NDUFAF6: variants seen among roughly 807,000 people sequenced by gnomAD.
The protein encoded by NDUFAF6 is NADH dehydrogenase (ubiquinone) complex I, assembly factor 6.
NDUFAF6 carries 45 observed loss-of-function variants against 40.8 expected under a neutral mutation model. The observed-to-expected ratio is 1.10, with a 90% CI of 0.87 to 1.42. The LOEUF (loss-of-function observed/expected upper bound fraction) is 1.42. Ranked by LOEUF, NDUFAF6 falls within the 40% of genes most tolerant of loss-of-function variation. NDUFAF6 has a pLI of 0.00. For synonymous variants in NDUFAF6, 185 were observed against 155.9 expected, an observed-to-expected ratio of 1.19 and a Z score of -1.39; for missense variants, 435 against 418.5, an observed-to-expected ratio of 1.04 and a Z score of -0.34.
In NDUFAF6 at chr8:94,940,825, C is replaced by G. The variant is rs773426792; in HGVS notation, c.-935-4658C>G. 7 of 1,605,210 alleles carry G rather than the reference C, an allele frequency of 4.4e-6. No individual in the cohort carries two copies. In the East Asian group the frequency reaches 1.3e-4, roughly 31 times the overall value. On this transcript the variant is annotated intron_variant, in intron 1 of 14. Transcript: ENST00000396113. Reference sequence around the variant, plus strand: ...TGAACCACCAAGTAACCAAGTGTACCTTACCTATGAAGTCAACAAGAATCC... The same window carrying G: ...TGAACCACCAAGTAACCAAGTGTACGTTACCTATGAAGTCAACAAGAATCC...
chr8:94,914,904 T>G (rs1819026678), intron 1 of NDUFAF6, among the ~76,000 whole-genome samples: 1 of 152,102 alleles, frequency 6.6e-6, no homozygotes, highest in Non-Finnish European at 1.5e-5. Flanking sequence ...AGCTTACCAT[T>G]TATGTTTTAT....
intron 2 of NDUFAF6, among the ~76,000 whole-genome samples, chr8:95,086,922 C>G (rs754987882): frequency 6.6e-6 from 1 of 152,224 alleles, no homozygotes; most frequent in Non-Finnish European, 1.5e-5. Flanking sequence ...CTCTTGAGTG[C>G]CTTCTCCCTG....
intron 2 of NDUFAF6, chr8:94,989,306 A>T (rs1826085925): frequency 6.6e-6 from 1 of 152,222 alleles, no homozygotes; most frequent in South Asian, 2.1e-4. Flanking sequence ...TTATTTCTTA[A>T]ATTCGAGGCT....
chr8:95,013,148 C>G (rs1222175120), intron 2 of NDUFAF6, among the ~76,000 whole-genome samples: 1 of 151,886 alleles, frequency 6.6e-6, no homozygotes, highest in Non-Finnish European at 1.5e-5. Context: ...CCAACCCAAA[C>G]TATAGTGCAG....
intron 2 of NDUFAF6, among the ~76,000 whole-genome samples, chr8:94,986,792 C>A (rs1182959424): frequency 6.6e-6 from 1 of 152,174 alleles, no homozygotes; most frequent in Non-Finnish European, 1.5e-5. Context: ...CCCCTATTAC[C>A]TGTCACATGA....
At chr8:94,949,681 G>C (rs536721163) in intron 2 of NDUFAF6, among the ~76,000 whole-genome samples, 5 of 152,188 alleles carry the variant, frequency 3.3e-5, no homozygotes, top group Non-Finnish European at 5.9e-5. Flanking sequence ...AGCGGGGTGC[G>C]TAAGAGGCGG....
At chr8:95,020,979 G>A (rs898506676), upstream of NDUFAF6, among the ~76,000 whole-genome samples, 2 of 152,186 alleles carry the variant, frequency 1.3e-5, no homozygotes, top group African/African-American at 4.8e-5. Flanking sequence ...TAGAACTTTT[G>A]TGGTGACAAG....
At chr8:94,909,103 T>G (rs532372992) in intron 1 of NDUFAF6, among the ~76,000 whole-genome samples, 21 of 152,226 alleles carry the variant, frequency 1.4e-4, no homozygotes, top group Non-Finnish European at 2.8e-4. Flanking sequence ...TCCAGCAGTT[T>G]GGGAGCCCGA....
At chr8:95,116,063 G>T (rs573050679) in intron 5 of NDUFAF6, among the ~76,000 whole-genome samples, 50 of 152,124 alleles carry the variant, frequency 3.3e-4, no homozygotes, top group African/African-American at 1.2e-3. Flanking sequence ...GCTTGAACCG[G>T]GGAGGCGGAG....
chr8:95,094,214 C>T (rs1460387529), intron 2 of NDUFAF6, among the ~76,000 whole-genome samples: 2 of 151,992 alleles, frequency 1.3e-5, no homozygotes, highest in African/African-American at 4.8e-5. Flanking sequence ...TCAGGTGATC[C>T]GCCCACCTTG....
chr8:95,019,595 G>A (rs145375714), intron 2 of NDUFAF6, among the ~76,000 whole-genome samples: 2 of 152,302 alleles, frequency 1.3e-5, no homozygotes, highest in African/African-American at 4.8e-5. Flanking sequence ...AGAAATGACA[G>A]CTTTGGTATT....
chr8:94,984,664 T>C (rs1035935937), intron 2 of NDUFAF6, among the ~76,000 whole-genome samples: 5 of 152,152 alleles, frequency 3.3e-5, no homozygotes, highest in Non-Finnish European at 7.4e-5. Flanking sequence ...GAAGACTTTA[T>C]TGGGAAAGTG....
At chr8:94,914,089 C>T (rs2131237155) in intron 1 of NDUFAF6, among the ~76,000 whole-genome samples, 1 of 149,246 alleles carries the variant, frequency 6.7e-6, no homozygotes, top group Admixed American at 6.7e-5. Flanking sequence ...CGCGCCCGGC[C>T]TGAGACCTTA....
At chr8:95,075,599 C>A in intron 9 of NDUFAF6, 1 of 1,286,312 alleles carries the variant, frequency 7.8e-7, no homozygotes, top group Non-Finnish European at 1.0e-6. Context: ...TTCTAGTTGG[C>A]TTGGTGAATA....
chr8:95,025,817 T>A, intron 1 of NDUFAF6, among the ~76,000 whole-genome samples: 1 of 152,228 alleles, frequency 6.6e-6, no homozygotes, highest in East Asian at 1.9e-4. Context: ...GTGTTTTGTT[T>A]GTCGGGCGTA....
chr8:95,011,444 G>T (rs1300879969), intron 2 of NDUFAF6, among the ~76,000 whole-genome samples: 1 of 152,144 alleles, frequency 6.6e-6, no homozygotes, highest in Non-Finnish European at 1.5e-5. Flanking sequence ...CTGATAAAAT[G>T]GTTGTGGGAA....
chr8:94,997,583 T>C (rs1438957330), intron 2 of NDUFAF6, among the ~76,000 whole-genome samples: 1 of 152,162 alleles, frequency 6.6e-6, no homozygotes, highest in African/African-American at 2.4e-5. Flanking sequence ...TGTTCCAACA[T>C]GTAGGAATAG....
intron 1 of NDUFAF6, among the ~76,000 whole-genome samples, chr8:94,903,385 C>T (rs779685975): frequency 4.6e-5 from 7 of 152,040 alleles, no homozygotes; most frequent in Admixed American, 1.3e-4. Flanking sequence ...ACAACAACAA[C>T]AAAACTGTCA....
In NDUFAF6 at chr8:94,980,496, T is replaced by G. The variant is rs563330792; in HGVS notation, c.-198-363T>G. ...GTCTGGCTCTGTCACTGAACTGGAG[T>G]GCAGTGGTGTGATCTCGGCTCACTG... On this transcript the variant is annotated intron_variant, in intron 1 of 9. Coordinates refer to the NDUFAF6 transcript ENST00000396111. Among the ~76,000 whole-genome samples, 55 of 142,552 alleles carry G rather than the reference T, an allele frequency of 3.9e-4. 1 individual carries two copies. The South Asian group carries it at 0.012, about 32-fold the overall frequency. The allele number at this position is 142,552 out of a possible 152,430, so 93.5% of individuals were successfully genotyped here. A position where few individuals can be genotyped will look rare whatever the true frequency, so the allele number is the denominator to read the frequency against.
Sources: allele counts gnomAD v4.1 joint callset (sites outside exome capture counted in the v4.1 genomes callset), GRCh38; gene constraint gnomAD v4.1.1; transcripts MANE v1.5; gene names NCBI Gene and HGNC (gene_info 2026-07-23, HGNC 2026-07-21).